Variants in UBE3B observed in about 807,000 individuals in gnomAD.
UBE3B encodes the protein ubiquitin protein ligase E3B.
Under a neutral mutation model 132.3 loss-of-function variants are expected in UBE3B, and 80 were observed. The observed-to-expected ratio is 0.60, with a 90% CI of 0.50 to 0.73. The LOEUF (loss-of-function observed/expected upper bound fraction) is 0.73. UBE3B is among the 30% of genes least tolerant of loss of function. UBE3B has a pLI of 0.00. For synonymous variants in UBE3B, 487 were observed against 520.4 expected (o/e 0.94, Z 0.87); for missense variants, 1,196 against 1,362.5 (o/e 0.88, Z 1.92).
intron 26 of UBE3B, 32 bp downstream of exon 26, chr12:109,530,690 T>C: frequency 6.3e-7 from 1 of 1,591,290 alleles, no homozygotes. Context: ...CATGCATGCA[T>C]GTATTCTCAT....
intron 24 of UBE3B, chr12:109,528,379 ATG>A: frequency 2.0e-6 from 2 of 985,360 alleles, no homozygotes; most frequent in Non-Finnish European, 2.4e-6. Context: ...AGGAGGAGCA[ATG>A]ATAGGAAAAT....
chr12:109,492,132 G>T (rs188146584), intron 9 of UBE3B: 65 of 152,308 alleles, frequency 4.3e-4, no homozygotes, highest in African/African-American at 1.4e-3. Flanking sequence ...AAATGAGCAT[G>T]ACTGTGTTCC....
At chr12:109,493,873 TG>T (rs1877819181) in intron 9 of UBE3B, among the ~76,000 whole-genome samples, 1 of 152,214 alleles carries the variant, frequency 6.6e-6, no homozygotes, top group Non-Finnish European at 1.5e-5. Context: ...CCATCAAGGG[TG>T]GAGTGCAGTG....
chr12:109,484,515 C>T (rs1480857232), intron 4 of UBE3B, among the ~76,000 whole-genome samples: 2 of 152,094 alleles, frequency 1.3e-5, no homozygotes, highest in African/African-American at 4.8e-5. Flanking sequence ...CCTCAGCCTC[C>T]CTAGTATCTG....
At chr12:109,509,383 A>G (rs1212701945) in intron 15 of UBE3B, 2 of 394,944 alleles carry the variant, frequency 5.1e-6, no homozygotes, top group African/African-American at 2.1e-5. Flanking sequence ...TTTAAGCTCT[A>G]CATGCATTAG....
rs150853934 is a variant in UBE3B, at chr12:109,501,438, A to T, written c.1186A>T (p.Ile396Phe). Residue 396 changes from isoleucine to phenylalanine, a missense_variant, in exon 13 of 28, where the codon ATC becomes TTC. Coordinates refer to ENST00000342494, the MANE Select transcript of UBE3B (RefSeq NM_130466.4). ...QFLWGVPLIR[I>F]FFCDILSKKL... ...CTTGTGGGGGGTGCCTCTGATCCGG[A>T]TCTTCTTCTGTGACATCCTGAGCAA... 2.2e-5 allele frequency: 36 copies of T among 1,614,072 alleles called. No individual in the cohort carries two copies. The highest frequency in any genetic ancestry group is 3.0e-5 in the Non-Finnish European group (35 of 1,180,032).
In UBE3B at chr12:109,522,165, C is replaced by T. The variant is rs1181955225; in HGVS notation, c.2364+614C>T. Among the ~76,000 whole-genome samples, 1 of 152,130 alleles carries T rather than the reference C, an allele frequency of 6.6e-6. No homozygotes were observed. Among genetic ancestry groups the T allele is most frequent in the African/African-American group, 2.4e-5 (1 of 41,426 alleles). ...AAGAAAAGCCACATTCCTGGGTTGCCGTTAATGGTAAGTGAGGAGGGCCTT... is the reference window on the plus strand; with the variant it reads ...AAGAAAAGCCACATTCCTGGGTTGCTGTTAATGGTAAGTGAGGAGGGCCTT... On this transcript the variant is annotated intron_variant, in intron 21 of 27. Transcript: ENST00000342494. The surrounding 1 kb of genome is among the most constrained non-coding windows in gnomAD (Gnocchi z 4.2).
intron 9 of UBE3B, chr12:109,491,384 T>C (rs917375498): frequency 2.8e-6 from 1 of 355,224 alleles, no homozygotes; most frequent in South Asian, 1.1e-4. Context: ...AAAATGAATT[T>C]CTTTTATCTA....
rs770466164 is a variant in UBE3B at position 109,498,357 on chromosome 12, A to G, written c.940+4A>G. The G allele has an allele frequency of 5.6e-6, 9 of 1,612,784 alleles. No homozygotes were observed. Among genetic ancestry groups the G allele is most frequent in the Non-Finnish European group, 7.6e-6 (9 of 1,179,096 alleles). ...TGCCATACGCTTTGTCTAATGGGTA[A>G]GTATCCGTGGCTGGAACTTGATTGT... On this transcript the variant is annotated splice_donor_region_variant and intron_variant, in intron 11 of 27. Transcript: ENST00000342494.
intron 18 of UBE3B, among the ~76,000 whole-genome samples, chr12:109,515,469 A>C (rs1021996684): frequency 2.6e-5 from 4 of 151,668 alleles, no homozygotes; most frequent in Non-Finnish European, 1.5e-5. Flanking sequence ...TCCCAAGTTC[A>C]AGCGATTCTC....
chr12:109,484,813 T>C (rs1287053421), intron 4 of UBE3B, among the ~76,000 whole-genome samples: 1 of 152,080 alleles, frequency 6.6e-6, no homozygotes, highest in Non-Finnish European at 1.5e-5. Flanking sequence ...TGGAGTGCAG[T>C]AGCACTATCA....
rs755570182 is a variant in UBE3B at position 109,530,101 on chromosome 12, A to G, written c.2810+29A>G. On this transcript the variant is annotated intron_variant, in intron 25 of 27. Transcript: ENST00000342494. ...AGAGGCGGGTGGGGGGAAGGGTGAA[A>G]TTCCTTGGCCTCCCAGAAAGCCAGC... is the stretch of plus-strand genomic sequence containing the variant. 1.5e-5 allele frequency: 24 copies of G among 1,610,704 alleles called. No individual in the cohort carries two copies. In the South Asian group the frequency reaches 2.4e-4, roughly 16 times the overall value.
rs781638290 is a variant in UBE3B at position 109,498,332 on chromosome 12, T to C, written c.919T>C (p.Cys307Arg). Residue 307 changes from cysteine (C) to arginine (R), a missense_variant, in exon 11 of 28, where the codon TGC becomes CGC. Cys to Arg is a radical substitution (Grantham distance 180). Coordinates refer to ENST00000342494, the MANE Select transcript of UBE3B (RefSeq NM_130466.4). ...TGATGTATGTGAAAGTTTAGAAGGA[T>C]GCCATACGCTTTGTCTAATGGGTAA... ...CRDVCESLEG[C>R]HTLCLMGNLL... 2 of 1,614,082 alleles carry C rather than the reference T, an allele frequency of 1.2e-6. No homozygotes were observed. The highest frequency in any genetic ancestry group is 1.7e-6 in the Non-Finnish European group (2 of 1,179,954).
intron 22 of UBE3B, 43 bp downstream of exon 22, chr12:109,524,158 G>A (rs1396299094): frequency 6.2e-7 from 1 of 1,610,734 alleles, no homozygotes; most frequent in Non-Finnish European, 8.5e-7. Flanking sequence ...GCACTGGTGT[G>A]AACTCACAGC....
chr12:109,521,129 G>A lies in UBE3B; in HGVS notation c.2077-19G>A, dbSNP rs779212378. ...AAGGCTTTGGGCTTCCTAATGGGCT[G>A]TAATTCTGCTCTTGGCAGGACGGCT... On this transcript the variant is annotated intron_variant, in intron 19 of 27. Transcript: ENST00000342494. The surrounding 1 kb of genome is among the most constrained non-coding windows in gnomAD (Gnocchi z 4.2). The A allele has an allele frequency of 8.7e-5, 141 of 1,613,080 alleles. No homozygotes were observed. Among genetic ancestry groups the A allele is most frequent in the Non-Finnish European group, 1.2e-4 (138 of 1,179,306 alleles).
At chr12:109,547,714 G>A in the UBE3B span, among the ~76,000 whole-genome samples, 2 of 152,130 alleles carry the variant, frequency 1.3e-5, no homozygotes, top group Admixed American at 6.5e-5. The surrounding 1 kb of genome is among the most constrained non-coding windows in gnomAD (Gnocchi z 4.1). Context: ...CCCAACACAC[G>A]CCAAAACCCT....
At chr12:109,546,784 G>A in the UBE3B span, among the ~76,000 whole-genome samples, 4 of 152,112 alleles carry the variant, frequency 2.6e-5, no homozygotes, top group African/African-American at 7.2e-5. Context: ...ATCTCGGCTC[G>A]CTGCAACTTC....
At chr12:109,539,596 A>T (rs1038090075), downstream of UBE3B, among the ~76,000 whole-genome samples, 3 of 152,214 alleles carry the variant, frequency 2.0e-5, no homozygotes, top group Admixed American at 2.0e-4. Flanking sequence ...CCACAGAGAA[A>T]TGGGCTGAAA....
rs145618947 is a variant in UBE3B, at chr12:109,498,256, T to C, written c.843T>C (p.His281=). ...TPERLTVLES[H]DMLRKFIIFL... is the part of the protein sequence containing the mutation. ...AGCGCCTCACTGTTTTAGAATCCCA[T>C]GACATGCTTCGTAAATTCATCATAT... Residue 281 remains histidine, a synonymous_variant, in exon 11 of 28, where the codon CAT becomes CAC. Coordinates refer to ENST00000342494, the MANE Select transcript of UBE3B (RefSeq NM_130466.4). The C allele has an allele frequency of 3.1e-6, 5 of 1,614,162 alleles. No individual in the cohort carries two copies. The African/African-American group carries it at 6.7e-5, about 22-fold the overall frequency.
Sources: gnomAD v4.1 joint callset for allele counts (sites outside exome capture counted in the v4.1 genomes callset) on GRCh38, gnomAD v4.1.1 for gene constraint, Gnocchi (gnomAD v3.1) non-coding constraint, MANE v1.5 for transcripts, NCBI Gene and HGNC (gene_info 2026-07-23, HGNC 2026-07-21) for gene names.